The following CFDP1 variants were observed in gnomAD, a reference collection of about 807,000 sequenced individuals.
CFDP1 encodes the protein heterochromatin-stabilizing protein CFDP1.
Under a neutral mutation model 40.1 loss-of-function variants are expected in CFDP1, and 31 were observed. The ratio of observed to expected loss-of-function variants is 0.77; its 90% CI spans 0.58 to 1.04. The LOEUF is 1.04. Among genes scored for constraint, CFDP1 ranks in the 50% least tolerant of loss-of-function variants. The pLI, the probability that CFDP1 is intolerant of heterozygous loss-of-function variation, is 0.00. For synonymous variants in CFDP1, 167 were observed against 120.0 expected, an observed-to-expected ratio of 1.39 and a Z score of -2.56; for missense variants, 423 against 343.4, an observed-to-expected ratio of 1.23 and a Z score of -1.83.
At chr16:75,300,472 A>G (rs922657890) in intron 6 of CFDP1, among the ~76,000 whole-genome samples, 4 of 152,090 alleles carry the variant, frequency 2.6e-5, no homozygotes, top group Admixed American at 2.0e-4. Context: ...ATTTCAGTAG[A>G]GATGGGGTTT....
At chr16:75,361,795 C>T (rs908421342) in intron 5 of CFDP1, among the ~76,000 whole-genome samples, 8 of 152,258 alleles carry the variant, frequency 5.3e-5, no homozygotes, top group Admixed American at 1.3e-4. Flanking sequence ...CATGTTCTCT[C>T]CTTGTCTGGT....
At chr16:75,428,179 G>C (rs1413624296) in intron 1 of CFDP1, among the ~76,000 whole-genome samples, 1 of 150,682 alleles carries the variant, frequency 6.6e-6, no homozygotes, top group Non-Finnish European at 1.5e-5. Flanking sequence ...TGTTCATTTT[G>C]GTGGAGGTTA....
chr16:75,369,565 G>GT (rs1353209915), intron 5 of CFDP1, among the ~76,000 whole-genome samples: 1 of 152,182 alleles, frequency 6.6e-6, no homozygotes, highest in African/African-American at 2.4e-5. Flanking sequence ...TGACAGAGAC[G>GT]TATGTGTCCA....
Position 75,427,967 on chromosome 16 carries a change from G to A in CFDP1, c.64+5322C>T, listed in dbSNP as rs187909616. Among the ~76,000 whole-genome samples the A allele has an allele frequency of 5.9e-5, 9 of 152,246 alleles. No homozygotes were observed. In the East Asian group the frequency reaches 9.6e-4, roughly 16 times the overall value. On this transcript the variant is annotated intron_variant, in intron 1 of 6. Coordinates refer to ENST00000283882, the MANE Select transcript of CFDP1 (RefSeq NM_006324.3). ...GAATCTCAAATGCATTATGCTAAGC[G>A]GAAGAAGCCAGATACAAAAAGCTGC...
At chr16:75,386,669 G>A (rs1377968219) in intron 5 of CFDP1, among the ~76,000 whole-genome samples, 2 of 152,112 alleles carry the variant, frequency 1.3e-5, no homozygotes, top group African/African-American at 4.8e-5. Context: ...AGGCTGCAGT[G>A]AGCCGAGATC....
intron 5 of CFDP1, among the ~76,000 whole-genome samples, chr16:75,366,079 C>A (rs577117851): frequency 9.1e-4 from 138 of 152,252 alleles, no homozygotes; most frequent in African/African-American, 3.0e-3. Context: ...GACCTGTACA[C>A]AAAATGTTCA....
chr16:75,429,406 C>A (rs992013718), intron 1 of CFDP1, among the ~76,000 whole-genome samples: 1 of 152,194 alleles, frequency 6.6e-6, no homozygotes, highest in African/African-American at 2.4e-5. Context: ...GTAATCCCAG[C>A]AGTTTGGGAG....
intron 5 of CFDP1, among the ~76,000 whole-genome samples, chr16:75,350,951 C>T (rs1280016451): frequency 1.3e-5 from 2 of 151,830 alleles, no homozygotes; most frequent in African/African-American, 4.8e-5. Flanking sequence ...CTTTAGAACA[C>T]AGAAATTTGA....
At chr16:75,310,556 G>T (rs2078288347) in intron 5 of CFDP1, among the ~76,000 whole-genome samples, 1 of 152,168 alleles carries the variant, frequency 6.6e-6, no homozygotes, top group Non-Finnish European at 1.5e-5. Context: ...AAATGTCATT[G>T]TAACTAAACA....
intron 5 of CFDP1, among the ~76,000 whole-genome samples, chr16:75,379,334 C>G (rs2078832707): frequency 8.8e-6 from 1 of 114,028 alleles, no homozygotes; most frequent in Non-Finnish European, 2.0e-5. Flanking sequence ...GCAAGACTGA[C>G]CAAAAAAAAA....
intron 4 of CFDP1, among the ~76,000 whole-genome samples, chr16:75,401,256 G>A (rs1329807688): frequency 6.6e-6 from 1 of 151,922 alleles, no homozygotes; most frequent in Non-Finnish European, 1.5e-5. Flanking sequence ...GTGAAACCCC[G>A]TCTCTACTAA....
chr16:75,374,027 T>C (rs989457361), intron 5 of CFDP1, among the ~76,000 whole-genome samples: 1 of 150,442 alleles, frequency 6.6e-6, no homozygotes, highest in Admixed American at 6.6e-5. Context: ...CCAAACCAGG[T>C]GGATCACCTG....
At chr16:75,403,167 A>C (rs1422011387) in intron 4 of CFDP1, among the ~76,000 whole-genome samples, 1 of 152,218 alleles carries the variant, frequency 6.6e-6, no homozygotes, top group African/African-American at 2.4e-5. Context: ...AATTTGCAGC[A>C]CACAACTATA....
intron 5 of CFDP1, among the ~76,000 whole-genome samples, chr16:75,355,932 C>A (rs953369601): frequency 6.6e-6 from 1 of 152,224 alleles, no homozygotes; most frequent in Admixed American, 6.5e-5. Flanking sequence ...TGGACTAATA[C>A]AGGCTATACT....
intron 5 of CFDP1, among the ~76,000 whole-genome samples, chr16:75,362,521 T>C (rs978421762): frequency 6.6e-6 from 1 of 152,254 alleles, no homozygotes; most frequent in African/African-American, 2.4e-5. Context: ...ATAGCTATGC[T>C]GATTTTTGGT....
intron 5 of CFDP1, among the ~76,000 whole-genome samples, chr16:75,390,426 A>T (rs531925920): frequency 9.8e-5 from 15 of 152,304 alleles, no homozygotes; most frequent in African/African-American, 3.6e-4. Context: ...ATCTGATCAC[A>T]CTACCCTGCC....
intron 5 of CFDP1, among the ~76,000 whole-genome samples, chr16:75,356,149 ACT>A (rs1322498384): frequency 3.3e-5 from 5 of 152,162 alleles, no homozygotes; most frequent in African/African-American, 1.2e-4. Flanking sequence ...TTTTCAATAA[ACT>A]CTGTCCAGAT....
rs546724752 is a variant in CFDP1, at chr16:75,301,536, C to CTTTTTTTTTTTTTTTTTTTT, written c.809+3468_809+3487dup. Among the ~76,000 whole-genome samples the CTTTTTTTTTTTTTTTTTTTT allele has an allele frequency of 1.7e-4, 9 of 53,966 alleles. 2 individuals are homozygous for CTTTTTTTTTTTTTTTTTTTT. The highest frequency in any genetic ancestry group is 6.4e-4 in the Admixed American group (2 of 3,124). 35.4% of individuals were successfully genotyped at this position (53,966 alleles called of 152,430 possible). On this transcript the variant is annotated intron_variant, in intron 6 of 6. Coordinates refer to ENST00000283882, the MANE Select transcript of CFDP1 (RefSeq NM_006324.3). ...TCTCAACATTAGAGTTTTGTTGTGTCTTTTTTTTTTTTTTTTTTTTTTTTT... is the reference window on the plus strand; with the variant it reads ...TCTCAACATTAGAGTTTTGTTGTGTCTTTTTTTTTTTTTTTTTTTTTTTTTTTTTTTTTTTTTTTTTTTTT...
chr16:75,387,183 C>T (rs2078905545), intron 5 of CFDP1, among the ~76,000 whole-genome samples: 1 of 149,046 alleles, frequency 6.7e-6, no homozygotes, highest in Middle Eastern at 3.3e-3. Context: ...TCTTGTTGCC[C>T]AGGCTGGAGT....
Sources: allele counts gnomAD v4.1 joint callset (sites outside exome capture counted in the v4.1 genomes callset), GRCh38; gene constraint gnomAD v4.1.1; transcripts MANE v1.5; gene names NCBI Gene and HGNC (gene_info 2026-07-23, HGNC 2026-07-21).